The following ITSN1 variants were observed in gnomAD, a reference collection of about 807,000 sequenced individuals.
ITSN1 encodes intersectin 1, also known as intersectin-1.
In ITSN1, 58 loss-of-function variants were observed where a neutral mutation model predicts 239.8. The observed-to-expected ratio is 0.24, with a 90% CI of 0.20 to 0.30. The LOEUF is 0.30. Among genes scored for constraint, ITSN1 ranks in the 10% least tolerant of loss-of-function variants. The probability of loss-of-function intolerance (pLI) is 1.00; values close to 1 mark genes in which losing one functional copy is unlikely to be tolerated. For synonymous variants in ITSN1, 780 were observed against 770.8 expected (o/e 1.01, Z -0.20); for missense variants, 1,558 against 2,103.3 (o/e 0.74, Z 5.07).
intron 29 of ITSN1, among the ~76,000 whole-genome samples, chr21:33,856,192 G>A (rs1339830254): frequency 2.0e-5 from 3 of 152,236 alleles, no homozygotes; most frequent in East Asian, 1.9e-4. Flanking sequence ...TTGGCCAATC[G>A]TCATTGAGTG....
chr21:33,843,196 C>T (rs1001817092), intron 29 of ITSN1, among the ~76,000 whole-genome samples: 3 of 152,174 alleles, frequency 2.0e-5, no homozygotes, highest in Non-Finnish European at 2.9e-5. Context: ...TCGTTCTAGG[C>T]GTACCATTTG....
intron 1 of ITSN1, among the ~76,000 whole-genome samples, chr21:33,677,363 C>G (rs577017602): frequency 3.3e-4 from 49 of 146,932 alleles, no homozygotes; most frequent in African/African-American, 1.2e-3. Flanking sequence ...TTTTTTAAGA[C>G]AGAGTCTCAC....
chr21:33,780,809 T>TG (rs1209091207), intron 14 of ITSN1, among the ~76,000 whole-genome samples: 1 of 152,226 alleles, frequency 6.6e-6, no homozygotes, highest in Non-Finnish European at 1.5e-5. Flanking sequence ...AAGCAGATAC[T>TG]GTTCTTGGCA....
intron 1 of ITSN1, among the ~76,000 whole-genome samples, chr21:33,667,525 C>A (rs1274884586): frequency 6.6e-6 from 1 of 152,232 alleles, no homozygotes; most frequent in East Asian, 1.9e-4. Flanking sequence ...AGATTTGGAA[C>A]CAAAGTGTAC....
intron 1 of ITSN1, among the ~76,000 whole-genome samples, chr21:33,673,815 G>T (rs2090442253): frequency 6.6e-6 from 1 of 152,220 alleles, no homozygotes. Flanking sequence ...TGCTATTGGT[G>T]TTGGACTGTG....
chr21:33,796,214 G>A (rs1206181858), intron 17 of ITSN1, among the ~76,000 whole-genome samples: 1 of 152,018 alleles, frequency 6.6e-6, no homozygotes, highest in Non-Finnish European at 1.5e-5. Context: ...CTCGTGATCT[G>A]CCCTCCTCAG....
chr21:33,702,093 ATTTTTTTTTTTTTT>A lies in ITSN1; in HGVS notation c.-32-16676_-32-16663del, dbSNP rs1162454097. Among the ~76,000 whole-genome samples the A allele has an allele frequency of 2.3e-3, 347 of 148,526 alleles. 25 individuals are homozygous for A. The highest frequency in any genetic ancestry group is 2.3e-3 in the Non-Finnish European group (156 of 66,958). On this transcript the variant is annotated intron_variant, in intron 1 of 39. Coordinates refer to ENST00000381318, the MANE Select transcript of ITSN1 (RefSeq NM_003024.3). The stretch of plus-strand genomic sequence containing the variant: ...AAAAAACAAAAAAACAAACAAAAAA[ATTTTTTTTTTTTTT>A]TTTTTTTTTTTTTTTTTTTTTTTTT...
intron 5 of ITSN1, among the ~76,000 whole-genome samples, chr21:33,743,144 A>G (rs2066965601): frequency 6.6e-6 from 1 of 152,188 alleles, no homozygotes; most frequent in Admixed American, 6.5e-5. Context: ...GAAAAATAGA[A>G]GTTACAAAGA....
chr21:33,696,562 A>G (rs748948847), intron 1 of ITSN1, among the ~76,000 whole-genome samples: 22 of 152,222 alleles, frequency 1.4e-4, no homozygotes, highest in Admixed American at 5.9e-4. Context: ...AGGGCATTTT[A>G]TAATTACTGG....
intron 5 of ITSN1, among the ~76,000 whole-genome samples, chr21:33,742,058 CTT>C (rs758936755): frequency 1.7e-4 from 24 of 138,802 alleles, no homozygotes; most frequent in Admixed American, 1.4e-4. Context: ...TTTTTAAAAT[CTT>C]TTTTTTTTTT....
intron 1 of ITSN1, among the ~76,000 whole-genome samples, chr21:33,683,391 C>T (rs1474138033): frequency 6.6e-6 from 1 of 152,172 alleles, no homozygotes; most frequent in Non-Finnish European, 1.5e-5. Flanking sequence ...CCATTGAGGG[C>T]CCTGTTTATC....
intron 1 of ITSN1, among the ~76,000 whole-genome samples, chr21:33,675,911 G>T (rs931118997): frequency 7.2e-5 from 11 of 151,944 alleles, no homozygotes; most frequent in African/African-American, 2.4e-4. Flanking sequence ...TACATCATAT[G>T]CTTCAGATAT....
At chr21:33,663,727 C>T (rs1410763144) in intron 1 of ITSN1, among the ~76,000 whole-genome samples, 4 of 152,156 alleles carry the variant, frequency 2.6e-5, no homozygotes, top group Non-Finnish European at 4.4e-5. Context: ...CTCAGCCTCC[C>T]GAGTAGCTGG....
chr21:33,729,170 G>A (rs1314662310), intron 4 of ITSN1, among the ~76,000 whole-genome samples: 1 of 152,164 alleles, frequency 6.6e-6, no homozygotes, highest in African/African-American at 2.4e-5. Flanking sequence ...ACAAATTTAG[G>A]CCCAGTGCAG....
At position 33,643,563 on chromosome 21, in the gene ITSN1, C is replaced by G. The variant is rs1179034042; in HGVS notation, c.-33+850C>G. ...GGGCAATCTTTTGTTGTGATTCAGACTCAAGAAGGCTTTGCTTTGGAAGAA... is the reference window on the plus strand; with the variant it reads ...GGGCAATCTTTTGTTGTGATTCAGAGTCAAGAAGGCTTTGCTTTGGAAGAA... On this transcript the variant is annotated intron_variant, in intron 1 of 39. Coordinates refer to ENST00000381318, the MANE Select transcript of ITSN1 (RefSeq NM_003024.3). 2.0e-5 allele frequency: 3 copies of G among 152,128 alleles called. No homozygotes were observed. In the East Asian group the frequency reaches 5.8e-4, roughly 30 times the overall value. 9.4% of individuals were successfully genotyped at this position (152,128 alleles called of 1,614,324 possible).
intron 21 of ITSN1, among the ~76,000 whole-genome samples, chr21:33,812,120 A>G (rs1050433277): frequency 6.6e-6 from 1 of 152,258 alleles, no homozygotes; most frequent in Non-Finnish European, 1.5e-5. Context: ...AAGGCGCTAA[A>G]GAAGGTCCCC....
intron 29 of ITSN1, among the ~76,000 whole-genome samples, chr21:33,853,709 T>C (rs1179573925): frequency 1.3e-5 from 2 of 152,134 alleles, no homozygotes; most frequent in Non-Finnish European, 2.9e-5. Flanking sequence ...CTATTGGCAT[T>C]TGGGGTGGGC....
rs190494297 is a variant in ITSN1 at position 33,888,183 on chromosome 21, G to A, written c.5049G>A (p.Ala1683=). The A allele has an allele frequency of 3.3e-5, 54 of 1,614,050 alleles. No individual in the cohort carries two copies. The highest frequency in any genetic ancestry group is 1.7e-4 in the Middle Eastern group (1 of 6,058). The change falls in exon 40 of 40, where the codon GCG becomes GCA. Residue 1683 remains alanine, a synonymous_variant. Coordinates refer to ENST00000381318, the MANE Select transcript of ITSN1 (RefSeq NM_003024.3). The part of the protein sequence containing the change: ...DFLGRTEIRV[A]DIKKDQGSKG... ...TGGGTCGGACGGAGATCCGTGTGGC[G>A]GACATCAAGAAAGACCAGGGCTCCA...
chr21:33,701,482 C>T (rs570585817), intron 1 of ITSN1, among the ~76,000 whole-genome samples: 1 of 151,868 alleles, frequency 6.6e-6, no homozygotes, highest in South Asian at 2.1e-4. Flanking sequence ...TTTAACATGC[C>T]TTTTCTCCCT....
Sources: allele counts gnomAD v4.1 joint callset (sites outside exome capture counted in the v4.1 genomes callset), GRCh38; gene constraint gnomAD v4.1.1; transcripts MANE v1.5; gene names NCBI Gene and HGNC (gene_info 2026-07-23, HGNC 2026-07-21).